Variants in GREB1L observed in about 807,000 individuals in gnomAD.
GREB1L encodes GREB1-like protein.
Under a neutral mutation model 200.8 loss-of-function variants are expected in GREB1L, and 17 were observed. That is an observed-to-expected ratio of 0.08 (90% confidence interval 0.06 to 0.13). GREB1L has a LOEUF of 0.13. GREB1L is among the 10% of genes least tolerant of loss of function. The pLI is 1.00. For missense variants in GREB1L, 1,657 were observed against 2,367.7 expected, an observed-to-expected ratio of 0.70 and a Z score of 6.23; for synonymous variants, 789 against 893.0, an observed-to-expected ratio of 0.88 and a Z score of 2.08.
intron 21 of GREB1L, among the ~76,000 whole-genome samples, chr18:21,499,506 C>G: frequency 6.6e-6 from 1 of 152,290 alleles, no homozygotes; most frequent in South Asian, 2.1e-4. Flanking sequence ...AAGAAGCACC[C>G]CATCTCCTGC....
chr18:21,443,677 A>G (rs569204108), intron 10 of GREB1L, among the ~76,000 whole-genome samples: 1 of 152,224 alleles, frequency 6.6e-6, no homozygotes. Flanking sequence ...AACAGAGATA[A>G]TATGAGTACA....
At chr18:21,514,885 G>A (rs574382485) in intron 28 of GREB1L, among the ~76,000 whole-genome samples, 3 of 152,240 alleles carry the variant, frequency 2.0e-5, no homozygotes, top group Admixed American at 6.5e-5. Flanking sequence ...GTGCTGGTCG[G>A]GGCATCTGTG....
chr18:21,419,710 A>C (rs1254317020), intron 7 of GREB1L, among the ~76,000 whole-genome samples: 2 of 152,350 alleles, frequency 1.3e-5, no homozygotes, highest in African/African-American at 4.8e-5. Flanking sequence ...TGGCTTCCCA[A>C]AGTGCTGGGA....
At chr18:21,516,877 GTT>G (rs11413472) in intron 30 of GREB1L, 123 bp downstream of exon 30, 3,212 of 490,892 alleles carry the variant, frequency 6.5e-3, no homozygotes, top group South Asian at 1.0e-2. Flanking sequence ...ACACAAGGGA[GTT>G]TTTTTTTTTT....
chr18:21,517,329 G>A (rs2037455041), intron 30 of GREB1L, among the ~76,000 whole-genome samples: 1 of 152,060 alleles, frequency 6.6e-6, no homozygotes, highest in Non-Finnish European at 1.5e-5. Flanking sequence ...CATCCTTCAA[G>A]GCTTTAGTTT....
At chr18:21,308,089 T>A (rs2038731145) in intron 1 of GREB1L, among the ~76,000 whole-genome samples, 1 of 152,226 alleles carries the variant, frequency 6.6e-6, no homozygotes, top group Non-Finnish European at 1.5e-5. Context: ...ACAAATGACT[T>A]ACTGTTTCTT....
chr18:21,313,911 A>G (rs2038829047), intron 1 of GREB1L, among the ~76,000 whole-genome samples: 1 of 152,120 alleles, frequency 6.6e-6, no homozygotes, highest in Non-Finnish European at 1.5e-5. Context: ...AGCTTCTTTT[A>G]TTTCTCTTTA....
intron 1 of GREB1L, among the ~76,000 whole-genome samples, chr18:21,306,885 A>T (rs1439259584): frequency 6.6e-6 from 1 of 152,230 alleles, no homozygotes; most frequent in Non-Finnish European, 1.5e-5. Context: ...GCTGATAAAT[A>T]TCAGTAGGTT....
intron 32 of GREB1L, 50 bp downstream of exon 32, chr18:21,520,873 G>C (rs1422610869): frequency 6.9e-7 from 1 of 1,449,706 alleles, no homozygotes; most frequent in Non-Finnish European, 9.2e-7. Context: ...TTCCCACTGA[G>C]CAAAATACAG....
chr18:21,351,952 A>C (rs2039439659), intron 1 of GREB1L, among the ~76,000 whole-genome samples: 1 of 152,072 alleles, frequency 6.6e-6, no homozygotes, highest in Non-Finnish European at 1.5e-5. Flanking sequence ...GATTCAAGCA[A>C]TTCTTCTGCC....
At chr18:21,416,209 G>GAAT (rs141763320) in intron 7 of GREB1L, among the ~76,000 whole-genome samples, 23,901 of 151,908 alleles carry the variant, frequency 0.16, 2,247 homozygotes, top group East Asian at 0.34. Flanking sequence ...AAAAAGAAAA[G>GAAT]AATAATGAAA....
chr18:21,518,776 T>C (rs114441859), intron 31 of GREB1L, among the ~76,000 whole-genome samples: 84 of 152,342 alleles, frequency 5.5e-4, no homozygotes, highest in African/African-American at 2.0e-3. Flanking sequence ...TGGACTTCTT[T>C]CTAAAATTTT....
intron 15 of GREB1L, among the ~76,000 whole-genome samples, chr18:21,463,434 C>T (rs1475776021): frequency 3.9e-5 from 6 of 151,938 alleles, no homozygotes; most frequent in East Asian, 3.9e-4. Flanking sequence ...CGTGAGCCAC[C>T]GCACCCGGCA....
intron 1 of GREB1L, among the ~76,000 whole-genome samples, chr18:21,338,270 C>T (rs1386315170): frequency 6.6e-6 from 1 of 152,218 alleles, no homozygotes; most frequent in Admixed American, 6.5e-5. Flanking sequence ...TACATGGCAA[C>T]AGTGTTCCTC....
intron 1 of GREB1L, among the ~76,000 whole-genome samples, chr18:21,262,030 A>G (rs187833325): frequency 6.6e-6 from 1 of 152,262 alleles, no homozygotes; most frequent in Non-Finnish European, 1.5e-5. Flanking sequence ...ATTAATAGTT[A>G]TTGGTTAGAA....
chr18:21,376,812 C>CAAAAAA (rs534144361), intron 2 of GREB1L, among the ~76,000 whole-genome samples: 8 of 59,636 alleles, frequency 1.3e-4, no homozygotes, highest in African/African-American at 2.2e-4. Flanking sequence ...GAGTCCGTCT[C>CAAAAAA]AAAAAAAAAA....
chr18:21,379,329 C>A (rs1343687381), intron 2 of GREB1L, among the ~76,000 whole-genome samples: 1 of 152,076 alleles, frequency 6.6e-6, no homozygotes, highest in East Asian at 1.9e-4. Context: ...GCCTCAGCCT[C>A]CCGAGTAGCT....
At chr18:21,378,386 T>C (rs1284450853) in intron 2 of GREB1L, among the ~76,000 whole-genome samples, 3 of 152,142 alleles carry the variant, frequency 2.0e-5, no homozygotes, top group Non-Finnish European at 4.4e-5. Flanking sequence ...ATTTTTATTT[T>C]TTATTTTATT....
At chr18:21,371,276 A>G (rs1316596805) in intron 2 of GREB1L, among the ~76,000 whole-genome samples, 3 of 152,070 alleles carry the variant, frequency 2.0e-5, no homozygotes, top group East Asian at 3.9e-4. Flanking sequence ...AGGTCATCTC[A>G]TGATTTGTAT....
Sources: gnomAD v4.1 joint callset for allele counts (sites outside exome capture counted in the v4.1 genomes callset) on GRCh38, gnomAD v4.1.1 for gene constraint, MANE v1.5 for transcripts, NCBI Gene and HGNC (gene_info 2026-07-23, HGNC 2026-07-21) for gene names.